NUP210L: variants seen among roughly 807,000 people sequenced by gnomAD.
NUP210L encodes nucleoporin 210 like, also known as nuclear pore membrane glycoprotein 210-like.
NUP210L carries 74 observed loss-of-function variants against 208.5 expected under a neutral mutation model. The observed-to-expected ratio is 0.35, with a 90% CI of 0.29 to 0.43. The LOEUF (loss-of-function observed/expected upper bound fraction) is 0.43. Ranked by LOEUF, NUP210L falls within the 20% of genes least tolerant of loss-of-function variation. The pLI, the probability that NUP210L is intolerant of heterozygous loss-of-function variation, is 1.00. For missense variants in NUP210L, 1,843 were observed against 2,289.4 expected (o/e 0.81, Z 3.98); for synonymous variants, 780 against 816.9 (o/e 0.95, Z 0.77).
chr1:154,083,326 T>C (rs974495273), intron 16 of NUP210L, among the ~76,000 whole-genome samples: 6 of 152,120 alleles, frequency 3.9e-5, no homozygotes, highest in African/African-American at 1.4e-4. Context: ...TTTTACAGAG[T>C]GCTGATTGAT....
intron 12 of NUP210L, among the ~76,000 whole-genome samples, chr1:154,111,105 G>A (rs1657020803): frequency 1.3e-5 from 2 of 151,028 alleles, no homozygotes; most frequent in Non-Finnish European, 1.5e-5. Flanking sequence ...AAATCTGGCT[G>A]GGCACGGTGG....
intron 4 of NUP210L, 100 bp from the exon 5 acceptor site, chr1:154,140,052 G>C (rs375164314): frequency 3.1e-6 from 3 of 968,414 alleles, no homozygotes; most frequent in East Asian, 2.4e-5. Flanking sequence ...AATGTCTATA[G>C]AATGTAAAAC....
At chr1:154,138,064 T>G in intron 6 of NUP210L, 42 bp downstream of exon 6, 1 of 1,414,432 alleles carries the variant, frequency 7.1e-7, no homozygotes, top group Non-Finnish European at 9.3e-7. Flanking sequence ...CAGAAAAGAT[T>G]TGGGAAATGT....
At chr1:154,057,691 T>TGTGC (rs1491402651) in intron 22 of NUP210L, among the ~76,000 whole-genome samples, 8 of 13,468 alleles carry the variant, frequency 5.9e-4, no homozygotes, top group Non-Finnish European at 1.7e-3. Flanking sequence ...GGACCTCGAA[T>TGTGC]GTGTGTGTGT....
chr1:154,065,610 G>A (rs915192081), intron 17 of NUP210L, among the ~76,000 whole-genome samples: 1 of 151,782 alleles, frequency 6.6e-6, no homozygotes, highest in African/African-American at 2.4e-5. Flanking sequence ...AAAATATTTA[G>A]GGCTGGGTGT....
At chr1:154,028,743 T>G (rs1312064285) in intron 28 of NUP210L, among the ~76,000 whole-genome samples, 1 of 152,078 alleles carries the variant, frequency 6.6e-6, no homozygotes, top group Non-Finnish European at 1.5e-5. Context: ...CTACAGTTTC[T>G]TTTCTTTTTT....
At chr1:154,125,331 C>A (rs1191554075) in intron 10 of NUP210L, among the ~76,000 whole-genome samples, 3 of 151,654 alleles carry the variant, frequency 2.0e-5, no homozygotes, top group Non-Finnish European at 4.4e-5. Flanking sequence ...ATGCCTATAA[C>A]CCCAGCTACA....
intron 35 of NUP210L, among the ~76,000 whole-genome samples, chr1:154,008,430 T>C (rs1048785038): frequency 6.6e-6 from 1 of 151,968 alleles, no homozygotes; most frequent in African/African-American, 2.4e-5. Flanking sequence ...CAAAAATGTC[T>C]GGGCACGGTG....
intron 25 of NUP210L, among the ~76,000 whole-genome samples, chr1:154,048,368 C>T (rs1160920578): frequency 2.6e-5 from 4 of 152,136 alleles, no homozygotes; most frequent in Non-Finnish European, 5.9e-5. Flanking sequence ...TGTTAGGATA[C>T]ACCCCCCAGA....
chr1:154,105,652 A>G (rs948951316), intron 12 of NUP210L, among the ~76,000 whole-genome samples: 1 of 152,198 alleles, frequency 6.6e-6, no homozygotes, highest in Non-Finnish European at 1.5e-5. Context: ...AGAAAAGGAA[A>G]TGGAAAAGTA....
chr1:154,083,657 T>G (rs1655472303), intron 16 of NUP210L, among the ~76,000 whole-genome samples: 1 of 152,102 alleles, frequency 6.6e-6, no homozygotes, highest in Non-Finnish European at 1.5e-5. Context: ...ATACGTTTGG[T>G]TACAGAAGTC....
In NUP210L at chr1:154,046,058, C is replaced by G. The variant is rs1210322295; in HGVS notation, c.3696+11G>C. 1.9e-6 allele frequency: 3 copies of G among 1,610,956 alleles called. 1 individual carries two copies. The South Asian group carries it at 3.3e-5, about 18-fold the overall frequency. On this transcript the variant is annotated intron_variant, in intron 27 of 39. Transcript: ENST00000368559. ...TCCCTAAGATAACACAATAAACAGG[C>G]AAATTCTTACCTCTGAATGCCTGGG...
chr1:154,133,662 AGACCTTGT>A (rs1476973729), intron 7 of NUP210L, among the ~76,000 whole-genome samples: 2 of 151,920 alleles, frequency 1.3e-5, no homozygotes, highest in Admixed American at 1.3e-4. Context: ...CAACATGGCG[AGACCTTGT>A]GTCTATAAAA....
chr1:153,995,108 G>A, exon 38 of NUP210L: 1 of 1,613,680 alleles, frequency 6.2e-7, no homozygotes, highest in Non-Finnish European at 8.5e-7. Flanking sequence ...TGCCAGCACT[G>A]CAAAGAGGGT....
rs1052622859 is a variant in NUP210L, at chr1:154,108,758, T to G, written c.1621-4548A>C. On this transcript the variant is annotated intron_variant, in intron 12 of 39. Transcript: ENST00000368559. Reference sequence around the variant, plus strand: ...TTATTTATCAATAATAACATTGAATTTAAATGGACAAACTCTCCAATCAAA... The same window carrying G: ...TTATTTATCAATAATAACATTGAATGTAAATGGACAAACTCTCCAATCAAA... 9.9e-5 allele frequency among the ~76,000 whole-genome samples: 15 copies of G among 151,512 alleles called. 2 individuals carry two copies. The highest frequency in any genetic ancestry group is 3.7e-4 in the African/African-American group (15 of 40,850).
chr1:154,030,004 T>C (rs755128586), exon 28 of NUP210L: 6 of 1,611,396 alleles, frequency 3.7e-6, no homozygotes, highest in Non-Finnish European at 5.1e-6. Context: ...CTGCTGCTTT[T>C]GTATGGACAA....
At chr1:154,031,629 C>T (rs1017180967) in intron 27 of NUP210L, among the ~76,000 whole-genome samples, 36 of 146,568 alleles carry the variant, frequency 2.5e-4, no homozygotes, top group Admixed American at 1.0e-3. Flanking sequence ...TGAGAACATG[C>T]GAAGTTTGTC....
intron 27 of NUP210L, among the ~76,000 whole-genome samples, chr1:154,032,073 A>G (rs1421350717): frequency 6.6e-6 from 1 of 152,082 alleles, no homozygotes; most frequent in East Asian, 1.9e-4. Flanking sequence ...CATTGTGTAT[A>G]TACACCTCAT....
chr1:154,074,021 T>C (rs1213487560), intron 16 of NUP210L, among the ~76,000 whole-genome samples: 1 of 151,516 alleles, frequency 6.6e-6, no homozygotes, highest in Non-Finnish European at 1.5e-5. Context: ...CCCTAAGTTT[T>C]TTTTTTTTGT....
Sources: gnomAD v4.1 joint callset for allele counts (sites outside exome capture counted in the v4.1 genomes callset) on GRCh38, gnomAD v4.1.1 for gene constraint, MANE v1.5 for transcripts, NCBI Gene and HGNC (gene_info 2026-07-23, HGNC 2026-07-21) for gene names.